The following NPC1 variants were observed in gnomAD, a reference collection of about 807,000 sequenced individuals.
The protein encoded by NPC1 is Niemann-Pick C1 protein.
In NPC1, 85 loss-of-function variants were observed where a neutral mutation model predicts 140.4. The observed-to-expected ratio is 0.61, with a 90% CI of 0.51 to 0.72. The LOEUF (loss-of-function observed/expected upper bound fraction) is 0.72. Among genes scored for constraint, NPC1 ranks in the 30% least tolerant of loss-of-function variants. The pLI is 0.00. For synonymous variants in NPC1, 656 were observed against 624.8 expected, an observed-to-expected ratio of 1.05 and a Z score of -0.74; for missense variants, 1,504 against 1,623.8, an observed-to-expected ratio of 0.93 and a Z score of 1.27.
At chr18:23,509,249 C>G in intron 3 of NPC1, 9 of 1,454,982 alleles carry the variant, frequency 6.2e-6, no homozygotes, top group Non-Finnish European at 8.2e-6. Flanking sequence ...AAATTGTCTT[C>G]ATAACAGATC....
intron 3 of NPC1, among the ~76,000 whole-genome samples, chr18:23,571,379 T>G (rs2145540632): frequency 6.6e-6 from 1 of 151,890 alleles, no homozygotes; most frequent in Non-Finnish European, 1.5e-5. Flanking sequence ...TTAGGCTAGG[T>G]GCAGTGGCTC....
chr18:23,513,258 T>C (rs2057911725), intron 3 of NPC1, among the ~76,000 whole-genome samples: 2 of 152,234 alleles, frequency 1.3e-5, no homozygotes, highest in African/African-American at 4.8e-5. Flanking sequence ...CCGGCCGAAT[T>C]TGATTACCTT....
In NPC1 at chr18:23,551,710, T is replaced by C; in HGVS notation, c.1571A>G (p.Asn524Ser). The part of the protein sequence containing the change: ...LYCVRAPASL[N>S]DTSLLHDPCL... Reference sequence around the variant, plus strand: ...AGGGTCATGGAGCAAACTTGTATCATTCAGAGAGGCAGGAGCCCTGCCAAA... The same window carrying C: ...AGGGTCATGGAGCAAACTTGTATCACTCAGAGAGGCAGGAGCCCTGCCAAA... Residue 524 changes from asparagine to serine, a missense_variant, in exon 10 of 25, where the codon AAT (asparagine) becomes AGT (serine). Physicochemically the swap from Asn to Ser is conservative, Grantham distance 46 (BLOSUM62 1). Transcript: ENST00000269228. 2 of 1,614,096 alleles carry C rather than the reference T, an allele frequency of 1.2e-6. No homozygotes were observed. The highest frequency in any genetic ancestry group is 1.7e-5 in the Admixed American group (1 of 60,022).
At position 23,536,894 on chromosome 18, in the gene NPC1, G is replaced by GGT. The variant is rs1295194490; in HGVS notation, c.3042-20_3042-19dup. 1 of 1,605,244 alleles carries GGT rather than the reference G, an allele frequency of 6.2e-7. No homozygotes were observed. ...CATGTCCCCTGAGGAAAGAATCCTGGGTGTCAAGAGAGTCCAGGTCTTGCA... is the reference window on the plus strand; with the variant it reads ...CATGTCCCCTGAGGAAAGAATCCTGGGTGTGTCAAGAGAGTCCAGGTCTTGCA... On this transcript the variant is annotated intron_variant, in intron 20 of 24. Coordinates refer to ENST00000269228, the MANE Select transcript of NPC1 (RefSeq NM_000271.5).
At chr18:23,551,494 A>G (rs546508894) in intron 10 of NPC1, 133 bp downstream of exon 10, 2 of 790,218 alleles carry the variant, frequency 2.5e-6, no homozygotes, top group African/African-American at 1.7e-5. Context: ...AGGAGATACT[A>G]TTCTGGGATT....
chr18:23,545,822 G>C (rs2058781643), intron 11 of NPC1, among the ~76,000 whole-genome samples: 1 of 152,124 alleles, frequency 6.6e-6, no homozygotes, highest in African/African-American at 2.4e-5. Context: ...TCAAACTCCT[G>C]GCCTCAAGGC....
chr18:23,573,081 G>T (rs987317043), intron 2 of NPC1, among the ~76,000 whole-genome samples: 1 of 152,186 alleles, frequency 6.6e-6, no homozygotes, highest in African/African-American at 2.4e-5. Flanking sequence ...GGACAAGGAC[G>T]TCAAAGCCAC....
downstream of NPC1, chr18:23,527,838 T>C (rs1377045308): frequency 3.1e-6 from 5 of 1,614,172 alleles, 1 homozygote; most frequent in Admixed American, 6.7e-5. Flanking sequence ...TGATAGCCAC[T>C]GTTTTTGATA....
downstream of NPC1, among the ~76,000 whole-genome samples, chr18:23,520,675 G>T (rs1277900662): frequency 6.6e-6 from 1 of 151,304 alleles, no homozygotes; most frequent in Non-Finnish European, 1.5e-5. Flanking sequence ...TCACTTTGTT[G>T]CCCAGGCTGG....
chr18:23,533,854 C>T (rs2058581579), intron 23 of NPC1: 1 of 378,186 alleles, frequency 2.6e-6, no homozygotes, highest in African/African-American at 2.1e-5. Flanking sequence ...GGGAACTGAA[C>T]CCAGGTAGCA....
At chr18:23,544,220 G>A (rs1434493980) in intron 13 of NPC1, 124 bp downstream of exon 13, 3 of 917,512 alleles carry the variant, frequency 3.3e-6, no homozygotes, top group African/African-American at 3.3e-5. Flanking sequence ...CGACCGATGA[G>A]CCACACAGGG....
At chr18:23,579,740 A>G (rs2059335141) in intron 1 of NPC1, among the ~76,000 whole-genome samples, 1 of 152,122 alleles carries the variant, frequency 6.6e-6, no homozygotes, top group African/African-American at 2.4e-5. Flanking sequence ...AATACAAAAA[A>G]TTAGCCGGGC....
At position 23,535,357 on chromosome 18, in the gene NPC1, C is replaced by T. The variant is rs540481991; in HGVS notation, c.3477+112G>A. On this transcript the variant is annotated intron_variant, in intron 22 of 24. Transcript: ENST00000269228. Reference sequence around the variant, plus strand: ...CCTCTCCATGTGTGCCAAGAGCAAGCGCCAGACTTGGTATCTTACTCCATC... The same window carrying T: ...CCTCTCCATGTGTGCCAAGAGCAAGTGCCAGACTTGGTATCTTACTCCATC... The T allele has an allele frequency of 9.1e-5, 74 of 815,664 alleles. 1 individual carries two copies. Among genetic ancestry groups the T allele is most frequent in the East Asian group, 8.0e-4 (30 of 37,720 alleles). 50.5% of individuals were successfully genotyped at this position (815,664 alleles called of 1,614,324 possible).
exon 4 of NPC1, chr18:23,506,417 G>A (rs1163891028): frequency 6.6e-6 from 1 of 151,750 alleles, no homozygotes; most frequent in Non-Finnish European, 1.5e-5. Flanking sequence ...TATTGGAATA[G>A]AGACGGGGTC....
At chr18:23,527,005 GA>G, downstream of NPC1, among the ~76,000 whole-genome samples, 1 of 152,250 alleles carries the variant, frequency 6.6e-6, no homozygotes, top group Non-Finnish European at 1.5e-5. Context: ...GGGCACACAG[GA>G]GGGGAGTGGG....
intron 3 of NPC1, among the ~76,000 whole-genome samples, chr18:23,516,616 G>T (rs533393029): frequency 1.2e-4 from 18 of 152,110 alleles, no homozygotes; most frequent in Non-Finnish European, 2.1e-4. Flanking sequence ...ATTCCTTTTT[G>T]ATTTTTATCA....
intron 1 of NPC1, among the ~76,000 whole-genome samples, chr18:23,578,669 T>C (rs1237682812): frequency 6.6e-6 from 1 of 152,182 alleles, no homozygotes; most frequent in Non-Finnish European, 1.5e-5. Context: ...TCTAATTATA[T>C]CCACAAACCC....
At chr18:23,539,692 G>C in intron 18 of NPC1, 119 bp downstream of exon 18, 2 of 1,154,162 alleles carry the variant, frequency 1.7e-6, no homozygotes, top group Non-Finnish European at 2.6e-6. Context: ...CATACATTTT[G>C]CATAAAAACA....
At chr18:23,543,354 A>G (rs1246050218) in intron 14 of NPC1, 101 bp downstream of exon 14, 5 of 732,554 alleles carry the variant, frequency 6.8e-6, no homozygotes, top group Non-Finnish European at 1.2e-5. Context: ...AAAGAAAAAA[A>G]AAAAAAGGAA....
Sources: gnomAD v4.1 joint callset for allele counts (sites outside exome capture counted in the v4.1 genomes callset) on GRCh38, gnomAD v4.1.1 for gene constraint, MANE v1.5 for transcripts, NCBI Gene and HGNC (gene_info 2026-07-23, HGNC 2026-07-21) for gene names.